The following NFIA variants were observed in gnomAD, a reference collection of about 807,000 sequenced individuals.
NFIA encodes the protein nuclear factor I A, also known as nuclear factor 1 A-type.
NFIA carries 8 observed loss-of-function variants against 62.8 expected under a neutral mutation model. The observed-to-expected ratio is 0.13, with a 90% CI of 0.07 to 0.23. The LOEUF (loss-of-function observed/expected upper bound fraction) is 0.23, where lower values mean the gene tolerates loss of function less well. Among genes scored for constraint, NFIA ranks in the 10% least tolerant of loss-of-function variants. The probability of loss-of-function intolerance (pLI) is 1.00; values close to 1 mark genes in which losing one functional copy is unlikely to be tolerated. For synonymous variants in NFIA, 235 were observed against 238.1 expected (o/e 0.99, Z 0.12); for missense variants, 410 against 642.1 (o/e 0.64, Z 3.91).
At chr1:61,409,782 C>T (rs1036261964) in intron 9 of NFIA, among the ~76,000 whole-genome samples, 2 of 152,106 alleles carry the variant, frequency 1.3e-5, no homozygotes, top group African/African-American at 4.8e-5. Flanking sequence ...TGGCAGTGTG[C>T]TTCCCACCAG....
chr1:61,437,784 A>G (rs2257749), intron 10 of NFIA, among the ~76,000 whole-genome samples: 46,647 of 152,038 alleles, frequency 0.31, 8,657 homozygotes, highest in African/African-American at 0.5. Context: ...TGGGGAGAAC[A>G]TTCCAGACCA....
Position 61,183,265 on chromosome 1 carries a change from G to A in NFIA, c.560-94255G>A, listed in dbSNP as rs150804468. On this transcript the variant is annotated intron_variant, in intron 2 of 10. Transcript: ENST00000403491. The stretch of plus-strand genomic sequence containing the variant: ...ACAGAATTATAGAATACCTAGGGAT[G>A]GGAATTGGGAGGTTTGTAGGAGGCG... Among the ~76,000 whole-genome samples, 64 of 152,288 alleles carry A rather than the reference G, an allele frequency of 4.2e-4. No individual in the cohort carries two copies. The East Asian group carries it at 0.012, about 28-fold the overall frequency.
chr1:61,315,766 G>GT (rs1660335590), intron 3 of NFIA, among the ~76,000 whole-genome samples: 4 of 152,122 alleles, frequency 2.6e-5, no homozygotes, highest in Admixed American at 2.6e-4. Flanking sequence ...TGTTCATTTG[G>GT]TTTTAGCAAT....
chr1:61,238,471 G>A (rs1329263097), intron 2 of NFIA, among the ~76,000 whole-genome samples: 1 of 152,096 alleles, frequency 6.6e-6, no homozygotes, highest in Non-Finnish European at 1.5e-5. Context: ...TTGTTCCCTT[G>A]TCTCCTGTAC....
At chr1:61,443,602 C>A (rs1667680762) in intron 10 of NFIA, among the ~76,000 whole-genome samples, 1 of 152,222 alleles carries the variant, frequency 6.6e-6, no homozygotes, top group Admixed American at 6.5e-5. Flanking sequence ...CAGGAAAGGA[C>A]TGCTCCAGTA....
intron 2 of NFIA, among the ~76,000 whole-genome samples, chr1:61,230,287 T>A (rs1654593005): frequency 6.6e-6 from 1 of 152,144 alleles, no homozygotes; most frequent in Non-Finnish European, 1.5e-5. Context: ...CTTAAAATAA[T>A]TTGACAGTAA....
chr1:61,423,065 CT>C (rs1666706938), intron 9 of NFIA, among the ~76,000 whole-genome samples: 1 of 152,054 alleles, frequency 6.6e-6, no homozygotes, highest in African/African-American at 2.4e-5. Flanking sequence ...AAACTTACTG[CT>C]GTAGTGCAGG....
intron 2 of NFIA, among the ~76,000 whole-genome samples, chr1:61,153,871 C>T (rs986560376): frequency 6.6e-6 from 1 of 152,198 alleles, no homozygotes; most frequent in African/African-American, 2.4e-5. Context: ...GAGGGCTCTA[C>T]AAAACCTGGC....
chr1:61,092,950 C>G (rs1646345892), intron 2 of NFIA, among the ~76,000 whole-genome samples: 1 of 152,090 alleles, frequency 6.6e-6, no homozygotes, highest in South Asian at 2.1e-4. Flanking sequence ...GGAATGATTT[C>G]TTTTTTGAAA....
intron 7 of NFIA, among the ~76,000 whole-genome samples, chr1:61,395,318 C>G (rs1313323980): frequency 6.8e-6 from 1 of 146,294 alleles, no homozygotes. Context: ...CAGGAAAAGA[C>G]TTGCAACAGC....
At chr1:61,337,894 TCTC>T (rs1661697709) in intron 4 of NFIA, among the ~76,000 whole-genome samples, 1 of 152,178 alleles carries the variant, frequency 6.6e-6, no homozygotes, top group African/African-American at 2.4e-5. Flanking sequence ...CCCAGAAAGT[TCTC>T]CTGAAAAATC....
intron 7 of NFIA, among the ~76,000 whole-genome samples, chr1:61,401,047 G>A (rs188023322): frequency 6.6e-6 from 1 of 152,264 alleles, no homozygotes; most frequent in Non-Finnish European, 1.5e-5. Context: ...GCTTTGTGAT[G>A]TCAGTAACGT....
At chr1:61,103,331 A>G (rs1646543687) in intron 2 of NFIA, among the ~76,000 whole-genome samples, 1 of 152,136 alleles carries the variant, frequency 6.6e-6, no homozygotes, top group Non-Finnish European at 1.5e-5. Flanking sequence ...CTTGGCTAAC[A>G]TTATTTATAC....
intron 10 of NFIA, among the ~76,000 whole-genome samples, chr1:61,433,678 T>A (rs1225631856): frequency 2.0e-5 from 3 of 152,154 alleles, no homozygotes; most frequent in East Asian, 3.8e-4. Flanking sequence ...AAACTCTTAT[T>A]TTCTGGATTA....
chr1:61,247,406 A>G (rs778807759), intron 2 of NFIA, among the ~76,000 whole-genome samples: 18 of 152,330 alleles, frequency 1.2e-4, no homozygotes, highest in South Asian at 4.1e-4. Context: ...AGGGAGCAGT[A>G]TCTTTGGAAC....
chr1:61,401,410 A>G (rs759780304), intron 7 of NFIA, among the ~76,000 whole-genome samples: 1 of 152,204 alleles, frequency 6.6e-6, no homozygotes, highest in African/African-American at 2.4e-5. Flanking sequence ...GTTGCTAATG[A>G]TTGTCTTTTA....
In NFIA at chr1:61,185,626, C is replaced by G. The variant is rs1375987510; in HGVS notation, c.560-91894C>G. Among the ~76,000 whole-genome samples, 9 of 148,674 alleles carry G rather than the reference C, an allele frequency of 6.1e-5. No individual in the cohort carries two copies. In the East Asian group the frequency reaches 1.6e-3, roughly 26 times the overall value. ...CTGTCTGGCTTCTGTATCTACCTTT[C>G]TAACCCCACTTTTTTTTTTTTTTTT... is the stretch of plus-strand genomic sequence containing the variant. On this transcript the variant is annotated intron_variant, in intron 2 of 10. Coordinates refer to ENST00000403491, the MANE Select transcript of NFIA (RefSeq NM_001134673.4).
intron 2 of NFIA, among the ~76,000 whole-genome samples, chr1:61,152,491 A>G (rs1330629736): frequency 6.6e-6 from 1 of 152,196 alleles, no homozygotes; most frequent in African/African-American, 2.4e-5. Flanking sequence ...CTAAGCTGAA[A>G]ATATGTGGGC....
At position 61,202,625 on chromosome 1, in the gene NFIA, A is replaced by G. The variant is rs190039975; in HGVS notation, c.560-74895A>G. Among the ~76,000 whole-genome samples, 24 of 152,340 alleles carry G rather than the reference A, an allele frequency of 1.6e-4. No homozygotes were observed. In the East Asian group the frequency reaches 4.0e-3, roughly 26 times the overall value. ...AACTTTTAAAATGGCAAAATTATAA[A>G]TATCTGTAAAGTCTATGCGCAGTTG... is the stretch of plus-strand genomic sequence containing the variant. On this transcript the variant is annotated intron_variant, in intron 2 of 10. Coordinates refer to ENST00000403491, the MANE Select transcript of NFIA (RefSeq NM_001134673.4).
Sources: allele counts gnomAD v4.1 joint callset (sites outside exome capture counted in the v4.1 genomes callset), GRCh38; gene constraint gnomAD v4.1.1; transcripts MANE v1.5; gene names NCBI Gene and HGNC (gene_info 2026-07-23, HGNC 2026-07-21).